The following TNIK variants were observed in gnomAD, a reference collection of about 807,000 sequenced individuals.
TNIK encodes the protein TRAF2 and NCK interacting kinase.
Under a neutral mutation model 191.3 loss-of-function variants are expected in TNIK, and 49 were observed. That is an observed-to-expected ratio of 0.26 (90% CI 0.20 to 0.32). TNIK has a LOEUF of 0.32. Ranked by LOEUF, TNIK falls within the 10% of genes least tolerant of loss-of-function variation. TNIK has a pLI of 1.00. For missense variants in TNIK, 1,155 were observed against 1,702.3 expected (o/e 0.68, Z 5.66); for synonymous variants, 594 against 600.9 (o/e 0.99, Z 0.17).
At chr3:171,343,184 AAAG>A (rs1459087313) in intron 2 of TNIK, among the ~76,000 whole-genome samples, 1 of 152,222 alleles carries the variant, frequency 6.6e-6, no homozygotes, top group Non-Finnish European at 1.5e-5. Context: ...GGGACCTGCC[AAAG>A]AATACAGCAT....
chr3:171,197,869 G>C (rs1738899548), intron 4 of TNIK, among the ~76,000 whole-genome samples: 2 of 152,088 alleles, frequency 1.3e-5, no homozygotes, highest in African/African-American at 4.8e-5. Context: ...TCCTCAATAA[G>C]TTACACACAG....
chr3:171,341,290 T>A (rs949666329), intron 2 of TNIK, among the ~76,000 whole-genome samples: 8 of 151,724 alleles, frequency 5.3e-5, no homozygotes, highest in Non-Finnish European at 1.2e-4. Flanking sequence ...CTGGCTAACA[T>A]GGTGAAACCC....
chr3:171,250,692 A>T (rs182635483), intron 2 of TNIK, among the ~76,000 whole-genome samples: 2 of 152,184 alleles, frequency 1.3e-5, no homozygotes, highest in South Asian at 2.1e-4. Flanking sequence ...AATCATTCAG[A>T]TCTCTTTAGA....
intron 1 of TNIK, among the ~76,000 whole-genome samples, chr3:171,453,867 A>G (rs1728486873): frequency 6.6e-6 from 1 of 152,180 alleles, no homozygotes; most frequent in Admixed American, 6.5e-5. Context: ...TGTAAAAAAG[A>G]GTGGATAGAA....
chr3:171,061,059 A>G lies in TNIK; in HGVS notation c.*2822T>C, dbSNP rs550009203. 3.3e-5 allele frequency among the ~76,000 whole-genome samples: 5 copies of G among 152,168 alleles called. No homozygotes were observed. Among genetic ancestry groups the G allele is most frequent in the African/African-American group, 4.8e-5 (2 of 41,524 alleles). ...ATGCTATAAAAATGGATGAAAAGCA[A>G]CCGTTCCTCCCCTACCCCCAAAAAG... On this transcript the variant is annotated 3_prime_UTR_variant, in exon 33 of 33. Transcript: ENST00000436636.
chr3:171,236,457 C>A (rs1744281024), intron 2 of TNIK, among the ~76,000 whole-genome samples: 1 of 152,108 alleles, frequency 6.6e-6, no homozygotes, highest in South Asian at 2.1e-4. Flanking sequence ...GAAATAGGCC[C>A]TGGAGGCTCA....
intron 28 of TNIK, among the ~76,000 whole-genome samples, chr3:171,071,822 A>G (rs1426191561): frequency 1.3e-5 from 2 of 152,162 alleles, no homozygotes; most frequent in African/African-American, 4.8e-5. Context: ...CTTCTAACGA[A>G]AGGGGGGTGT....
intron 2 of TNIK, among the ~76,000 whole-genome samples, chr3:171,260,723 GAC>G (rs1747497108): frequency 6.6e-6 from 1 of 152,140 alleles, no homozygotes; most frequent in South Asian, 2.1e-4. Flanking sequence ...TAAAACCTAA[GAC>G]ACTTCAGTGT....
intron 18 of TNIK, among the ~76,000 whole-genome samples, chr3:171,112,181 T>TA (rs1725951066): frequency 6.6e-6 from 1 of 152,246 alleles, no homozygotes; most frequent in Admixed American, 6.5e-5. Context: ...TGTAAATAGA[T>TA]ATACTTTTTA....
At chr3:171,127,698 C>CA (rs1728679898) in intron 16 of TNIK, among the ~76,000 whole-genome samples, 1 of 152,094 alleles carries the variant, frequency 6.6e-6, no homozygotes. Context: ...GAATTATATA[C>CA]AAATTAAAAA....
At chr3:171,306,347 G>T (rs147792403) in intron 2 of TNIK, among the ~76,000 whole-genome samples, 1 of 152,112 alleles carries the variant, frequency 6.6e-6, no homozygotes, top group African/African-American at 2.4e-5. Context: ...ACCTGCACGT[G>T]TACCCCTGAA....
rs766034070 is a variant in TNIK at position 171,125,973 on chromosome 3, G to A, written c.1952C>T (p.Thr651Ile). The A allele has an allele frequency of 6.2e-7, 1 of 1,613,892 alleles. No homozygotes were observed. The highest frequency in any genetic ancestry group is 8.5e-7 in the Non-Finnish European group (1 of 1,179,902). ...DPTSENPPLPTRIEKFDRSSW... is the reference protein window; with the variant it reads ...DPTSENPPLPIRIEKFDRSSW... ...GCTTCGGTCAAACTTTTCAATGCGA[G>A]TGGGGAGAGGAGGATTTTCCGAGGT... The change falls in exon 17 of 33, where the codon ACT becomes ATT. Residue 651 changes from threonine (T) to isoleucine (I), a missense_variant. Coordinates refer to ENST00000436636, the MANE Select transcript of TNIK (RefSeq NM_015028.4).
At chr3:171,103,020 G>A (rs1723857818) in intron 21 of TNIK, among the ~76,000 whole-genome samples, 1 of 152,204 alleles carries the variant, frequency 6.6e-6, no homozygotes, top group Non-Finnish European at 1.5e-5. Context: ...AATTCATAGT[G>A]TTAACTGAAG....
At chr3:171,208,702 C>G (rs543709636) in intron 4 of TNIK, among the ~76,000 whole-genome samples, 36 of 152,196 alleles carry the variant, frequency 2.4e-4, no homozygotes, top group South Asian at 1.5e-3. Context: ...GAATTACAGG[C>G]AGCCACCACC....
chr3:171,324,073 T>C (rs1389384513), intron 2 of TNIK, among the ~76,000 whole-genome samples: 1 of 150,916 alleles, frequency 6.6e-6, no homozygotes, highest in Non-Finnish European at 1.5e-5. Flanking sequence ...CATGCTGCAA[T>C]GTAATCCCAG....
chr3:171,242,761 A>G (rs904945128), intron 2 of TNIK, among the ~76,000 whole-genome samples: 5 of 152,230 alleles, frequency 3.3e-5, no homozygotes, highest in African/African-American at 1.2e-4. Flanking sequence ...TAATAACACA[A>G]TATTTATTAA....
rs193240855 is a variant in TNIK at position 171,442,529 on chromosome 3, C to T, written c.57+17478G>A. Among the ~76,000 whole-genome samples, 19 of 152,266 alleles carry T rather than the reference C, an allele frequency of 1.2e-4. No homozygotes were observed. In the East Asian group the frequency reaches 3.5e-3, roughly 28 times the overall value. On this transcript the variant is annotated intron_variant, in intron 1 of 32. Transcript: ENST00000436636. ...GAAAGCAAACCCTGTATCTGGGGCT[C>T]GGATCTCTGTATCTCTCTAAGATTT...
intron 2 of TNIK, among the ~76,000 whole-genome samples, chr3:171,282,323 TTC>T (rs1178187180): frequency 6.7e-6 from 1 of 149,808 alleles, no homozygotes; most frequent in African/African-American, 2.5e-5. Flanking sequence ...TATCTGCAGA[TTC>T]TCTTAATGGT....
At position 171,429,728 on chromosome 3, in the gene TNIK, A is replaced by G. The variant is rs186353259; in HGVS notation, c.57+30279T>C. Reference sequence around the variant, plus strand: ...TTACCTCCATATCACTGCTTACACAATTCCCTCTCTGGTTGTTCTCTCCTC... The same window carrying G: ...TTACCTCCATATCACTGCTTACACAGTTCCCTCTCTGGTTGTTCTCTCCTC... On this transcript the variant is annotated intron_variant, in intron 1 of 32. Transcript: ENST00000436636. Among the ~76,000 whole-genome samples, 363 of 152,186 alleles carry G rather than the reference A, an allele frequency of 2.4e-3. 4 individuals carry two copies. The highest frequency in any genetic ancestry group is 8.0e-3 in the African/African-American group (334 of 41,524).
Sources: gnomAD v4.1 joint callset for allele counts (sites outside exome capture counted in the v4.1 genomes callset) on GRCh38, gnomAD v4.1.1 for gene constraint, MANE v1.5 for transcripts, NCBI Gene and HGNC (gene_info 2026-07-23, HGNC 2026-07-21) for gene names.